ANO4: variants seen among roughly 807,000 people sequenced by gnomAD.
The protein encoded by ANO4 is anoctamin 4.
Under a neutral mutation model 141.9 loss-of-function variants are expected in ANO4, and 69 were observed. The observed-to-expected ratio is 0.49, with a 90% confidence interval of 0.40 to 0.59. ANO4 has a LOEUF of 0.59. Ranked by LOEUF, ANO4 falls within the 20% of genes least tolerant of loss-of-function variation. The pLI, the probability that ANO4 is intolerant of heterozygous loss-of-function variation, is 0.00. For synonymous variants in ANO4, 350 were observed against 394.3 expected, an observed-to-expected ratio of 0.89 and a Z score of 1.33; for missense variants, 894 against 1,162.2, an observed-to-expected ratio of 0.77 and a Z score of 3.36.
intron 3 of ANO4, among the ~76,000 whole-genome samples, chr12:100,929,110 C>G (rs1425881627): frequency 6.6e-6 from 1 of 152,050 alleles, no homozygotes; most frequent in Non-Finnish European, 1.5e-5. Flanking sequence ...TCCATTCTTT[C>G]TTTGTGTTAC....
intron 3 of ANO4, among the ~76,000 whole-genome samples, chr12:100,934,770 G>A (rs2042217372): frequency 6.6e-6 from 1 of 152,136 alleles, no homozygotes; most frequent in Non-Finnish European, 1.5e-5. Context: ...ACTTCATTGA[G>A]CAGTGGTTTG....
At chr12:101,080,865 G>GATATATATATT (rs2049217811) in intron 15 of ANO4, among the ~76,000 whole-genome samples, 1 of 109,374 alleles carries the variant, frequency 9.1e-6, no homozygotes, top group South Asian at 3.8e-4. Flanking sequence ...CTAGGTTCTA[G>GATATATATATT]ATATATATAT....
chr12:101,038,125 C>T (rs956928688), intron 10 of ANO4, among the ~76,000 whole-genome samples: 1 of 152,314 alleles, frequency 6.6e-6, no homozygotes, highest in East Asian at 1.9e-4. Context: ...AAGCTGCCAT[C>T]TGAAACTCTG....
intron 1 of ANO4, among the ~76,000 whole-genome samples, chr12:100,878,870 T>C (rs1464784312): frequency 2.6e-5 from 4 of 152,208 alleles, no homozygotes; most frequent in African/African-American, 9.6e-5. Flanking sequence ...TGATGCATGT[T>C]CTGATTCACC....
At chr12:100,983,716 TC>T (rs377124076) in intron 7 of ANO4, among the ~76,000 whole-genome samples, 1 of 152,332 alleles carries the variant, frequency 6.6e-6, no homozygotes, top group Non-Finnish European at 1.5e-5. Context: ...TTCTGCCACA[TC>T]CCTCCTGCTA....
intron 9 of ANO4, among the ~76,000 whole-genome samples, chr12:101,035,983 A>G (rs111378125): frequency 6.0e-5 from 9 of 150,650 alleles, no homozygotes; most frequent in African/African-American, 2.2e-4. Context: ...CTGCACGTGT[A>G]CTCCCTGAAC....
In ANO4 at chr12:100,980,665, G is replaced by A. The variant is rs563422057; in HGVS notation, c.602+5776G>A. 1.3e-3 allele frequency among the ~76,000 whole-genome samples: 201 copies of A among 152,246 alleles called. 1 individual carries two copies. Among genetic ancestry groups the A allele is most frequent in the African/African-American group, 4.3e-3 (179 of 41,546 alleles). On this transcript the variant is annotated intron_variant, in intron 7 of 27. Coordinates refer to ENST00000392977, the MANE Select transcript of ANO4 (RefSeq NM_001286615.2). ...TTAATATCTCTAAGGTTTCTGAGCA[G>A]GCAGAGAAATAAAGCACTTCTTCAT...
intron 1 of ANO4, among the ~76,000 whole-genome samples, chr12:100,799,268 C>G (rs1319720504): frequency 6.6e-6 from 1 of 152,106 alleles, no homozygotes; most frequent in East Asian, 1.9e-4. Flanking sequence ...TTAGACATTC[C>G]TGGAGGGAGT....
intron 1 of ANO4, among the ~76,000 whole-genome samples, chr12:100,886,238 C>T (rs548934238): frequency 1.3e-4 from 19 of 151,948 alleles, no homozygotes; most frequent in Non-Finnish European, 2.6e-4. Flanking sequence ...CCCGCCCCTC[C>T]CTTCCACCTT....
At chr12:101,030,333 C>A (rs1458376694) in intron 9 of ANO4, among the ~76,000 whole-genome samples, 1 of 152,134 alleles carries the variant, frequency 6.6e-6, no homozygotes, top group Non-Finnish European at 1.5e-5. Flanking sequence ...TTATTAAAAA[C>A]CACACAATTA....
At position 100,822,161 on chromosome 12, in the gene ANO4, C is replaced by A. The variant is rs554278279; in HGVS notation, c.-141+27134C>A. Among the ~76,000 whole-genome samples, 15 of 152,096 alleles carry A rather than the reference C, an allele frequency of 9.9e-5. No individual in the cohort carries two copies. The East Asian group carries it at 2.7e-3, about 28-fold the overall frequency. On this transcript the variant is annotated intron_variant, in intron 1 of 27. Coordinates refer to ENST00000392977, the MANE Select transcript of ANO4 (RefSeq NM_001286615.2). ...GCTCAAGAGATGTGGATCTTTTGAGCAGCTTAACCAAAACCTAAACAAGGC... is the reference window on the plus strand; with the variant it reads ...GCTCAAGAGATGTGGATCTTTTGAGAAGCTTAACCAAAACCTAAACAAGGC...
intron 5 of ANO4, among the ~76,000 whole-genome samples, chr12:100,955,761 G>T (rs1462709265): frequency 6.6e-6 from 1 of 152,190 alleles, no homozygotes; most frequent in East Asian, 1.9e-4. Flanking sequence ...GAGATTTCAG[G>T]AAGGTTAAGA....
intron 1 of ANO4, among the ~76,000 whole-genome samples, chr12:100,727,156 T>G (rs1195540738): frequency 2.5e-4 from 38 of 152,232 alleles, no homozygotes; most frequent in Non-Finnish European, 1.3e-4. Context: ...GACTGTCAGA[T>G]GAAGCATTCA....
chr12:100,969,924 G>A (rs2043844267), intron 5 of ANO4, among the ~76,000 whole-genome samples: 1 of 152,166 alleles, frequency 6.6e-6, no homozygotes, highest in Non-Finnish European at 1.5e-5. Flanking sequence ...CCCTCCTTGT[G>A]GAAAGTGACT....
At chr12:100,753,604 T>G (rs888574069) in intron 3 of ANO4, among the ~76,000 whole-genome samples, 2 of 152,172 alleles carry the variant, frequency 1.3e-5, no homozygotes, top group African/African-American at 4.8e-5. Context: ...TGCCTGGGCC[T>G]ACCTGCACCC....
chr12:100,929,264 C>T (rs1036029879), intron 3 of ANO4, among the ~76,000 whole-genome samples: 8 of 152,070 alleles, frequency 5.3e-5, no homozygotes, highest in South Asian at 2.1e-4. Context: ...ACCTCCCTTC[C>T]GCTCTACTAC....
At chr12:100,915,714 C>T (rs1387033656) in intron 2 of ANO4, among the ~76,000 whole-genome samples, 1 of 151,998 alleles carries the variant, frequency 6.6e-6, no homozygotes, top group East Asian at 1.9e-4. Context: ...ACATGATGGG[C>T]CAAATTATTT....
At chr12:100,747,415 T>C (rs1299531141) in intron 3 of ANO4, among the ~76,000 whole-genome samples, 1 of 152,178 alleles carries the variant, frequency 6.6e-6, no homozygotes, top group East Asian at 1.9e-4. Flanking sequence ...CTCTGTGAAA[T>C]TATGTCATGA....
intron 4 of ANO4, 37 bp downstream of exon 4, chr12:100,939,488 A>T (rs1417242900): frequency 6.2e-7 from 1 of 1,606,204 alleles, no homozygotes; most frequent in Non-Finnish European, 8.5e-7. Flanking sequence ...GTAATTCGTG[A>T]TCCAGGCAGG....
Sources: allele counts gnomAD v4.1 joint callset (sites outside exome capture counted in the v4.1 genomes callset), GRCh38; gene constraint gnomAD v4.1.1; transcripts MANE v1.5; gene names NCBI Gene and HGNC (gene_info 2026-07-23, HGNC 2026-07-21).